The following TET3 variants were observed in gnomAD, a reference collection of about 807,000 sequenced individuals.
The protein encoded by TET3 is tet methylcytosine dioxygenase 3.
Under a neutral mutation model 141.4 loss-of-function variants are expected in TET3, and 19 were observed. The observed-to-expected ratio is 0.13, with a 90% confidence interval of 0.09 to 0.20. The LOEUF is 0.20. Among genes scored for constraint, TET3 ranks in the 10% least tolerant of loss-of-function variants. The probability of loss-of-function intolerance (pLI) is 1.00; values close to 1 mark genes in which losing one functional copy is unlikely to be tolerated. For synonymous variants in TET3, 1,043 were observed against 980.9 expected (o/e 1.06, Z -1.18); for missense variants, 1,874 against 2,356.9 (o/e 0.80, Z 4.24).
chr2:74,031,276 C>T (rs1686671380), intron 3 of TET3, among the ~76,000 whole-genome samples: 1 of 151,960 alleles, frequency 6.6e-6, no homozygotes, highest in Non-Finnish European at 1.5e-5. Flanking sequence ...GGCAGGGTCA[C>T]GGAAACCCAG....
intron 4 of TET3, among the ~76,000 whole-genome samples, chr2:74,061,342 C>G (rs1289408011): frequency 7.3e-6 from 1 of 137,282 alleles, no homozygotes; most frequent in African/African-American, 2.8e-5. Flanking sequence ...CCTCACCTCC[C>G]GGACGGGGCG....
At chr2:73,992,374 C>T (rs746504502) in intron 2 of TET3, among the ~76,000 whole-genome samples, 1 of 148,832 alleles carries the variant, frequency 6.7e-6, no homozygotes, top group Admixed American at 6.8e-5. Flanking sequence ...ACTGCAATGG[C>T]GTGATCTTAG....
chr2:73,986,266 G>A lies in TET3; in HGVS notation c.-138G>A. 1 of 723,284 alleles carries A rather than the reference G, an allele frequency of 1.4e-6. No homozygotes were observed. The highest frequency in any genetic ancestry group is 1.9e-6 in the Non-Finnish European group (1 of 524,284). The allele number at this position is 723,284 out of a possible 1,614,324, so 44.8% of individuals were successfully genotyped here. A position where few individuals can be genotyped will look rare whatever the true frequency, so the allele number is the denominator to read the frequency against. On this transcript the variant is annotated 5_prime_UTR_variant, in exon 2 of 12. Coordinates refer to ENST00000409262, the MANE Select transcript of TET3 (RefSeq NM_001287491.2). ...GGGTTGAGAAGAGGCATCCATCCAC[G>A]AGACTGAAGCCACTTGCCTTCACCC...
At chr2:74,086,761 A>C (rs981411660) in intron 6 of TET3, among the ~76,000 whole-genome samples, 2 of 146,744 alleles carry the variant, frequency 1.4e-5, no homozygotes, top group Non-Finnish European at 3.0e-5. Context: ...ACTGTACTCC[A>C]GCCTGGGCAA....
intron 1 of TET3, among the ~76,000 whole-genome samples, chr2:73,985,421 G>C (rs1396895374): frequency 1.4e-5 from 2 of 144,740 alleles, no homozygotes; most frequent in Non-Finnish European, 3.1e-5. Context: ...CGGCGCGCGC[G>C]CGGCCCGGCC....
intron 3 of TET3, among the ~76,000 whole-genome samples, chr2:74,004,663 G>T (rs994237433): frequency 1.3e-5 from 2 of 152,160 alleles, no homozygotes; most frequent in African/African-American, 4.8e-5. Context: ...GGGATGAGGC[G>T]GTGGGAGGCT....
the TET3 span, chr2:74,122,490 C>CATATATATATATATATATATATAT: frequency 1.7e-5 from 1 of 59,354 alleles, no homozygotes; most frequent in African/African-American, 7.2e-5. Flanking sequence ...TAAATACATA[C>CATATATATATATATATATATATAT]ATATATATAT....
intron 7 of TET3, among the ~76,000 whole-genome samples, chr2:74,089,381 A>G (rs972932413): frequency 2.6e-5 from 4 of 151,734 alleles, no homozygotes; most frequent in African/African-American, 7.3e-5. Flanking sequence ...TGGATCTATC[A>G]TAGTTTGCTT....
chr2:74,030,943 G>A (rs533179717), intron 3 of TET3, among the ~76,000 whole-genome samples: 10 of 152,156 alleles, frequency 6.6e-5, no homozygotes, highest in Non-Finnish European at 1.5e-4. Flanking sequence ...ATGCCCAGGG[G>A]AATGGATCTT....
At chr2:74,021,099 T>A (rs1426243414) in intron 3 of TET3, among the ~76,000 whole-genome samples, 1 of 152,232 alleles carries the variant, frequency 6.6e-6, no homozygotes, top group African/African-American at 2.4e-5. Flanking sequence ...TATTGCTCTA[T>A]CTGCCCCTAT....
the TET3 span, among the ~76,000 whole-genome samples, chr2:74,113,759 G>T: frequency 2.0e-5 from 3 of 152,064 alleles, no homozygotes; most frequent in Admixed American, 6.6e-5. Context: ...GGTGAAAGAT[G>T]TCTACAAGGA....
chr2:74,115,361 C>A, the TET3 span, among the ~76,000 whole-genome samples: 1 of 152,144 alleles, frequency 6.6e-6, no homozygotes, highest in Non-Finnish European at 1.5e-5. Flanking sequence ...TAAGCAGGAG[C>A]TAAGCCACGG....
intron 2 of TET3, among the ~76,000 whole-genome samples, chr2:74,001,869 CTTGGGGGTT>C (rs1684865198): frequency 6.6e-6 from 1 of 152,072 alleles, no homozygotes; most frequent in Non-Finnish European, 1.5e-5. Flanking sequence ...CCCTTGGGGT[CTTGGGGGTT>C]ACCTCCTGTA....
chr2:74,101,007 G>A lies in TET3; in HGVS notation c.4219G>A (p.Ala1407Thr). The A allele has an allele frequency of 6.2e-7, 1 of 1,613,046 alleles. No individual in the cohort carries two copies. The highest frequency in any genetic ancestry group is 8.5e-7 in the Non-Finnish European group (1 of 1,179,552). ...KQEPVDPLTQ[A>T]EPVPRDAGKM... is the part of the protein sequence containing the mutation. Reference sequence around the variant, plus strand: ...AGAGCCAGTAGACCCGCTGACCCAGGCTGAGCCTGTGCCCAGAGACGCTGG... The same window carrying A: ...AGAGCCAGTAGACCCGCTGACCCAGACTGAGCCTGTGCCCAGAGACGCTGG... The change falls in exon 12 of 12, where the codon GCT (alanine) becomes ACT (threonine). Residue 1407 changes from alanine to threonine, a missense_variant. Around this residue, in one of 10 missense-constraint regions of TET3, gnomAD observed 602 missense variants for 590.2 expected, o/e 1.02. Transcript: ENST00000409262. This position sits in a 1 kb window ranked among gnomAD's most constrained non-coding sequence, Gnocchi z 8.5.
rs781737977 is a variant in TET3, at chr2:74,100,719, A to G, written c.3931A>G (p.Ser1311Gly). The G allele has an allele frequency of 2.1e-5, 34 of 1,613,912 alleles. No individual in the cohort carries two copies. Among genetic ancestry groups the G allele is most frequent in the Admixed American group, 5.0e-5 (3 of 60,024 alleles). Reference protein sequence around the residue: ...LGPGAWGHSGSSGSFEKKPDL... With the variant: ...LGPGAWGHSGGSGSFEKKPDL... Reference sequence around the variant, plus strand: ...TCCTGGTGCCTGGGGGCACAGTGGCAGCAGTGGCAGTTTTGAGAAGAAGCC... The same window carrying G: ...TCCTGGTGCCTGGGGGCACAGTGGCGGCAGTGGCAGTTTTGAGAAGAAGCC... Residue 1311 changes from serine (S) to glycine (G), a missense_variant, in exon 12 of 12, where the codon AGC (serine) becomes GGC (glycine). Physicochemically the swap from Ser to Gly is moderately conservative, Grantham distance 56. Transcript: ENST00000409262.
At chr2:74,134,697 C>A in the TET3 span, 1 of 456,570 alleles carries the variant, frequency 2.2e-6, no homozygotes, top group Non-Finnish European at 4.4e-6. Context: ...TCTGAGAAAA[C>A]TGGCGAGCCA....
chr2:74,060,452 AG>A lies in TET3; in HGVS notation c.2494+12042del, dbSNP rs563505180. 2.6e-5 allele frequency among the ~76,000 whole-genome samples: 4 copies of A among 152,356 alleles called. No homozygotes were observed. The South Asian group carries it at 8.3e-4, about 32-fold the overall frequency. On this transcript the variant is annotated intron_variant, in intron 4 of 11. Coordinates refer to ENST00000409262, the MANE Select transcript of TET3 (RefSeq NM_001287491.2). ...TCAGAGTAGAGTATTGAGATTAAAAAGTTTGATCCAAGTTCGACTTACTTAA... is the reference window on the plus strand; with the variant it reads ...TCAGAGTAGAGTATTGAGATTAAAAATTTGATCCAAGTTCGACTTACTTAA...
chr2:74,132,792 G>C, the TET3 span, among the ~76,000 whole-genome samples: 1 of 152,378 alleles, frequency 6.6e-6, no homozygotes, highest in East Asian at 1.9e-4. Flanking sequence ...TCTGTAGAGA[G>C]GAAGGGACAG....
rs976005489 is a variant in TET3 at position 74,106,383 on chromosome 2, A to C, written c.*4207A>C. The C allele has an allele frequency of 2.6e-5, 4 of 153,702 alleles. No individual in the cohort carries two copies. The highest frequency in any genetic ancestry group is 9.7e-5 in the African/African-American group (4 of 41,410). The allele number at this position is 153,702 out of a possible 1,614,324, so 9.5% of individuals were successfully genotyped here. On this transcript the variant is annotated 3_prime_UTR_variant, in exon 12 of 12. Transcript: ENST00000409262. ...GGAGTTGGGTACTTCTGCCTCTCCT[A>C]GCATGATAGGCATTCTCATAGCCAG...
Sources: gnomAD v4.1 joint callset for allele counts (sites outside exome capture counted in the v4.1 genomes callset) on GRCh38, gnomAD v4.1.1 for gene constraint, gnomAD v4.1.1 regional missense constraint, Gnocchi (gnomAD v3.1) non-coding constraint, MANE v1.5 for transcripts, NCBI Gene and HGNC (gene_info 2026-07-23, HGNC 2026-07-21) for gene names.